Variants in SCFD2 observed in about 807,000 individuals in gnomAD.
The protein encoded by SCFD2 is sec1 family domain containing 2.
A neutral mutation model predicts 58.9 loss-of-function variants in SCFD2; 54 were observed. That is an observed-to-expected ratio of 0.92 (90% CI 0.74 to 1.15). The LOEUF (loss-of-function observed/expected upper bound fraction) is 1.15, where lower values mean the gene tolerates loss of function less well. Among genes scored for constraint, SCFD2 ranks in the 50% most tolerant of loss-of-function variants. The pLI, the probability that SCFD2 is intolerant of heterozygous loss-of-function variation, is 0.00. For synonymous variants in SCFD2, 321 were observed against 335.9 expected (o/e 0.96, Z 0.49); for missense variants, 805 against 836.6 (o/e 0.96, Z 0.47).
chr4:52,879,329 A>T (rs780158160), intron 8 of SCFD2, among the ~76,000 whole-genome samples: 1 of 152,220 alleles, frequency 6.6e-6, no homozygotes, highest in Non-Finnish European at 1.5e-5. Flanking sequence ...TTCACACTTA[A>T]ATATGAGAAA....
intron 5 of SCFD2, among the ~76,000 whole-genome samples, chr4:53,116,669 A>G (rs1725328332): frequency 6.6e-6 from 1 of 152,222 alleles, no homozygotes; most frequent in Admixed American, 6.5e-5. Flanking sequence ...GAATCCAATT[A>G]TACCTGAAGC....
At chr4:53,012,446 T>G (rs935136729) in intron 5 of SCFD2, among the ~76,000 whole-genome samples, 3 of 151,550 alleles carry the variant, frequency 2.0e-5, no homozygotes, top group African/African-American at 7.3e-5. Context: ...CCTGGTCAAA[T>G]AGGTTGGTCC....
intron 4 of SCFD2, among the ~76,000 whole-genome samples, chr4:53,149,570 A>T (rs1270638880): frequency 6.6e-6 from 1 of 152,202 alleles, no homozygotes; most frequent in Non-Finnish European, 1.5e-5. Context: ...GTAGCACTTA[A>T]TTCTCCCTAT....
intron 5 of SCFD2, among the ~76,000 whole-genome samples, chr4:52,992,451 C>G (rs940396638): frequency 2.6e-5 from 4 of 152,238 alleles, no homozygotes; most frequent in Admixed American, 6.5e-5. Flanking sequence ...GCCGCCACCC[C>G]GTCTGGGAAG....
At chr4:53,222,156 T>A (rs533666463) in intron 4 of SCFD2, among the ~76,000 whole-genome samples, 1 of 152,202 alleles carries the variant, frequency 6.6e-6, no homozygotes, top group Non-Finnish European at 1.5e-5. Context: ...CCGCCCACCC[T>A]CACCTTTGTT....
At chr4:53,259,914 C>T (rs1456009335) in intron 4 of SCFD2, among the ~76,000 whole-genome samples, 1 of 151,002 alleles carries the variant, frequency 6.6e-6, no homozygotes. Context: ...TTGTAGTTTA[C>T]CTTGCAGAGG....
chr4:53,203,457 T>C (rs1577836906), intron 4 of SCFD2, among the ~76,000 whole-genome samples: 1 of 151,778 alleles, frequency 6.6e-6, no homozygotes, highest in East Asian at 1.9e-4. Context: ...AAAGATCAAA[T>C]GAAACATAGA....
intron 4 of SCFD2, among the ~76,000 whole-genome samples, chr4:53,215,518 T>C (rs1244185203): frequency 1.3e-5 from 2 of 152,158 alleles, no homozygotes; most frequent in Admixed American, 6.5e-5. Context: ...TTTGCTGAAG[T>C]TGCTTATCAG....
chr4:53,065,786 A>G (rs1378125233), intron 5 of SCFD2, among the ~76,000 whole-genome samples: 2 of 152,050 alleles, frequency 1.3e-5, no homozygotes, highest in Non-Finnish European at 2.9e-5. Flanking sequence ...ATGCCATTCC[A>G]CTACCATACT....
intron 1 of SCFD2, 149 bp downstream of exon 1, chr4:53,364,955 T>C: frequency 2.2e-6 from 2 of 911,974 alleles, no homozygotes; most frequent in Non-Finnish European, 3.2e-6. Context: ...GACAATAAAC[T>C]CTGTGAGATT....
intron 3 of SCFD2, among the ~76,000 whole-genome samples, chr4:53,303,305 A>C (rs1310735131): frequency 6.6e-6 from 1 of 152,218 alleles, no homozygotes; most frequent in Non-Finnish European, 1.5e-5. Context: ...ATGAACAGAC[A>C]CTTCTCAAAA....
At chr4:53,020,480 T>C (rs1308998596) in intron 5 of SCFD2, among the ~76,000 whole-genome samples, 1 of 152,202 alleles carries the variant, frequency 6.6e-6, no homozygotes, top group Non-Finnish European at 1.5e-5. Context: ...AGTCTTATCA[T>C]CTGTCTTTCT....
At position 53,365,124 on chromosome 4, in the gene SCFD2, TCCACAAAAA is replaced by T; in HGVS notation, c.809_817del (p.Val270_Val272del). 3 of 1,614,138 alleles carry T rather than the reference TCCACAAAAA, an allele frequency of 1.9e-6. No homozygotes were observed. The highest frequency in any genetic ancestry group is 2.5e-6 in the Non-Finnish European group (3 of 1,179,992). On this transcript the variant is annotated inframe_deletion, in exon 1 of 9. Coordinates refer to ENST00000401642, the MANE Select transcript of SCFD2 (RefSeq NM_152540.4). This position sits in a 1 kb window ranked among gnomAD's most constrained non-coding sequence, Gnocchi z 4.3. ...CTTACCTGTGAGATCCAGGGTTCTG[TCCACAAAAA>T]CCACTGATGCCCTGCCTGCAGCAGT... is the stretch of plus-strand genomic sequence containing the variant.
intron 5 of SCFD2, among the ~76,000 whole-genome samples, chr4:53,004,232 C>T (rs1453633621): frequency 6.6e-6 from 1 of 152,076 alleles, no homozygotes; most frequent in Non-Finnish European, 1.5e-5. Context: ...CTAGAGCTGC[C>T]CAATCCAGTG....
intron 7 of SCFD2, 45 bp downstream of exon 7, chr4:52,907,412 G>C: frequency 1.9e-6 from 3 of 1,595,934 alleles, no homozygotes; most frequent in Non-Finnish European, 2.6e-6. Flanking sequence ...GCCCAGCAAA[G>C]AGAACATTTC....
intron 8 of SCFD2, among the ~76,000 whole-genome samples, chr4:52,875,192 CT>C (rs1162230247): frequency 6.6e-6 from 1 of 152,138 alleles, no homozygotes; most frequent in East Asian, 1.9e-4. Context: ...GCTCTGGGCC[CT>C]TTACTCCCTT....
intron 2 of SCFD2, among the ~76,000 whole-genome samples, chr4:53,328,663 A>C (rs370554375): frequency 1.3e-5 from 2 of 152,368 alleles, no homozygotes; most frequent in African/African-American, 2.4e-5. Context: ...AAGAAATGTA[A>C]AGAAAATGAT....
chr4:53,154,135 T>C (rs950275547), intron 4 of SCFD2, among the ~76,000 whole-genome samples: 1 of 152,234 alleles, frequency 6.6e-6, no homozygotes, highest in African/African-American at 2.4e-5. Flanking sequence ...AGTATTTTTA[T>C]AGCAATACCC....
intron 5 of SCFD2, among the ~76,000 whole-genome samples, chr4:53,077,524 G>A (rs1477277410): frequency 3.9e-5 from 6 of 151,940 alleles, no homozygotes; most frequent in East Asian, 1.9e-4. Flanking sequence ...TGCAACCTCC[G>A]CCTCCTGGGT....
Sources: gnomAD v4.1 joint callset for allele counts (sites outside exome capture counted in the v4.1 genomes callset) on GRCh38, gnomAD v4.1.1 for gene constraint, Gnocchi (gnomAD v3.1) non-coding constraint, MANE v1.5 for transcripts, NCBI Gene and HGNC (gene_info 2026-07-23, HGNC 2026-07-21) for gene names.